The following ZNF215 variants were observed in gnomAD, a reference collection of about 807,000 sequenced individuals.
ZNF215 encodes the protein zinc finger protein 215, also known as BWSCR2-associated zinc finger protein 2.
ZNF215 carries 24 observed loss-of-function variants against 27.2 expected under a neutral mutation model. The ratio of observed to expected loss-of-function variants is 0.88; its 90% CI spans 0.64 to 1.24. The LOEUF (loss-of-function observed/expected upper bound fraction) is 1.24. Ranked by LOEUF, ZNF215 falls within the 50% of genes most tolerant of loss-of-function variation. The pLI is 0.00. For synonymous variants in ZNF215, 210 were observed against 204.0 expected, an observed-to-expected ratio of 1.03 and a Z score of -0.25; for missense variants, 675 against 605.7, an observed-to-expected ratio of 1.11 and a Z score of -1.20.
chr11:6,982,717 A>G (rs1326256905), intron 5 of ZNF215, among the ~76,000 whole-genome samples: 1 of 151,998 alleles, frequency 6.6e-6, no homozygotes. Context: ...AACGAGAACA[A>G]AGACACAACA....
intron 5 of ZNF215, among the ~76,000 whole-genome samples, chr11:6,977,932 G>T (rs1294893003): frequency 6.6e-6 from 1 of 151,980 alleles, no homozygotes; most frequent in Non-Finnish European, 1.5e-5. Flanking sequence ...AACTTTGAGG[G>T]ACACATCTAA....
intron 5 of ZNF215, among the ~76,000 whole-genome samples, chr11:6,969,909 TAG>T (rs1850688912): frequency 1.3e-5 from 2 of 152,102 alleles, no homozygotes; most frequent in Admixed American, 1.3e-4. Context: ...GCCTCCTGGG[TAG>T]CTGGGATTAC....
At chr11:6,942,268 C>T in intron 4 of ZNF215, among the ~76,000 whole-genome samples, 1 of 152,076 alleles carries the variant, frequency 6.6e-6, no homozygotes, top group East Asian at 1.9e-4. Context: ...TTATATATTT[C>T]AGTGTGATTG....
In ZNF215 at chr11:6,956,206, G is replaced by A. The variant is rs1850342426; in HGVS notation, c.1229G>A (p.Ser410Asn). Residue 410 changes from serine (S) to asparagine (N), a missense_variant, in exon 7 of 7, where the codon AGT (serine) becomes AAT (asparagine). Physicochemically the swap from Ser to Asn is conservative, Grantham distance 46. Coordinates refer to ENST00000278319, the MANE Select transcript of ZNF215 (RefSeq NM_013250.4). ...IHTGEKPYKC[S>N]ECGRFFNRRT... ...ACAGGAGAGAAACCCTATAAATGCA[G>A]TGAATGTGGGAGATTCTTCAACCGA... The A allele has an allele frequency of 1.9e-6, 3 of 1,612,678 alleles. No homozygotes were observed. Among genetic ancestry groups the A allele is most frequent in the Middle Eastern group, 1.6e-4 (1 of 6,080 alleles).
chr11:6,974,187 C>G (rs1037294057), intron 5 of ZNF215, among the ~76,000 whole-genome samples: 3 of 152,132 alleles, frequency 2.0e-5, no homozygotes, highest in East Asian at 3.9e-4. Context: ...TCAGGTTTGT[C>G]AAAGATCAGA....
chr11:6,993,023 T>C (rs1362860806), downstream of ZNF215, among the ~76,000 whole-genome samples: 1 of 152,236 alleles, frequency 6.6e-6, no homozygotes, highest in Non-Finnish European at 1.5e-5. Context: ...TTTTACGATA[T>C]AGTCATGCTT....
intron 5 of ZNF215, among the ~76,000 whole-genome samples, chr11:6,972,205 A>C (rs908010853): frequency 2.6e-5 from 4 of 152,104 alleles, no homozygotes; most frequent in African/African-American, 9.7e-5. Context: ...GTGGAGAATG[A>C]GATAGTAAAT....
intron 6 of ZNF215, among the ~76,000 whole-genome samples, chr11:6,954,122 T>C (rs1850212715): frequency 6.6e-6 from 1 of 152,152 alleles, no homozygotes; most frequent in Admixed American, 6.5e-5. Flanking sequence ...TACCCGGCCG[T>C]GTGAGATGTC....
At chr11:6,964,427 A>G (rs1413944415) in intron 5 of ZNF215, among the ~76,000 whole-genome samples, 1 of 152,078 alleles carries the variant, frequency 6.6e-6, no homozygotes, top group Admixed American at 6.6e-5. Flanking sequence ...ATTCTTAGTT[A>G]ACATTTGTAC....
chr11:6,985,755 G>A, downstream of ZNF215, among the ~76,000 whole-genome samples: 1 of 152,074 alleles, frequency 6.6e-6, no homozygotes, highest in Non-Finnish European at 1.5e-5. Context: ...TTTAAGCTGA[G>A]AGCCAAATCA....
chr11:6,943,507 G>C (rs1849701201), intron 5 of ZNF215, 39 bp from the exon 6 acceptor site: 1 of 1,539,492 alleles, frequency 6.5e-7, no homozygotes, highest in East Asian at 2.2e-5. Flanking sequence ...TGTCATATAT[G>C]TTTGTTGTTG....
chr11:6,970,544 T>G (rs80182560), intron 5 of ZNF215, among the ~76,000 whole-genome samples: 2,297 of 152,314 alleles, frequency 0.015, 58 homozygotes, highest in African/African-American at 0.052. Context: ...CTAAAGTGTT[T>G]ACGGGCGAAG....
chr11:6,940,760 G>T (rs1053396684), intron 3 of ZNF215, among the ~76,000 whole-genome samples: 1 of 151,698 alleles, frequency 6.6e-6, no homozygotes, highest in Non-Finnish European at 1.5e-5. Flanking sequence ...TAAAAATGGG[G>T]GTGGAGATGA....
chr11:6,983,324 G>T (rs1042977360), intron 5 of ZNF215, among the ~76,000 whole-genome samples: 1 of 152,016 alleles, frequency 6.6e-6, no homozygotes, highest in Non-Finnish European at 1.5e-5. Context: ...AATTCTACCA[G>T]AGGTACAAGG....
In ZNF215 at chr11:6,941,651, C is replaced by T. The variant is rs1056970504; in HGVS notation, c.481C>T (p.Gln161Ter). 1.9e-6 allele frequency: 3 copies of T among 1,613,842 alleles called. No homozygotes were observed. The highest frequency in any genetic ancestry group is 2.5e-6 in the Non-Finnish European group (3 of 1,179,888). ...AGCTGGCTCACGAACAGGCAAACCA[C>T]AGGTGAATTAGGATTCTAGTCTTTA... is the stretch of plus-strand genomic sequence containing the variant. ...MKAGSRTGKPQEPVTFKDVVV... is the reference protein window; with the variant it reads ...MKAGSRTGKP The change falls in exon 4 of 7, where the codon CAG becomes TAG. Residue 161 changes from glutamine to a stop codon, truncating the protein, a stop_gained and splice_region_variant. Transcript: ENST00000278319. LOFTEE classifies it high-confidence loss of function.
chr11:6,978,362 A>G (rs1850877019), intron 5 of ZNF215, among the ~76,000 whole-genome samples: 3 of 152,054 alleles, frequency 2.0e-5, no homozygotes, highest in South Asian at 2.1e-4. Context: ...AAACTGATCT[A>G]TGGTGGGAAA....
intron 5 of ZNF215, among the ~76,000 whole-genome samples, chr11:6,970,933 A>G (rs950843944): frequency 1.3e-5 from 2 of 152,176 alleles, no homozygotes; most frequent in African/African-American, 4.8e-5. Flanking sequence ...CTGTGGGGGA[A>G]CTTTATCATG....
intron 5 of ZNF215, among the ~76,000 whole-genome samples, chr11:6,968,902 C>G (rs1027255061): frequency 6.6e-5 from 10 of 151,960 alleles, no homozygotes; most frequent in Admixed American, 6.6e-4. Context: ...ATTCATGTCC[C>G]TTTTTCCTGG....
chr11:6,989,159 A>AG (rs1436925808), downstream of ZNF215, among the ~76,000 whole-genome samples: 1 of 151,048 alleles, frequency 6.6e-6, no homozygotes, highest in Admixed American at 6.6e-5. Flanking sequence ...TCAAAAAAAA[A>AG]AAAAAAAAAA....
Sources: allele counts gnomAD v4.1 joint callset (sites outside exome capture counted in the v4.1 genomes callset), GRCh38; gene constraint gnomAD v4.1.1; transcripts MANE v1.5; gene names NCBI Gene and HGNC (gene_info 2026-07-23, HGNC 2026-07-21).